The following EPHA7 variants were observed in gnomAD, a reference collection of about 807,000 sequenced individuals.
The protein encoded by EPHA7 is ephrin type-A receptor 7.
In EPHA7, 25 loss-of-function variants were observed where a neutral mutation model predicts 112.6. The ratio of observed to expected loss-of-function variants is 0.22; its 90% CI spans 0.16 to 0.31. The LOEUF (loss-of-function observed/expected upper bound fraction) is 0.31, where lower values mean the gene tolerates loss of function less well. Ranked by LOEUF, EPHA7 falls within the 10% of genes least tolerant of loss-of-function variation. The pLI is 1.00. For synonymous variants in EPHA7, 437 were observed against 406.5 expected (o/e 1.07, Z -0.90); for missense variants, 962 against 1,212.6 (o/e 0.79, Z 3.07).
chr6:93,378,495 G>A (rs1004546004), intron 3 of EPHA7, among the ~76,000 whole-genome samples: 3 of 152,052 alleles, frequency 2.0e-5, no homozygotes, highest in Non-Finnish European at 2.9e-5. Context: ...ACTGGACATC[G>A]AGAAAATCTT....
chr6:93,387,272 C>G (rs1777654317), intron 3 of EPHA7, among the ~76,000 whole-genome samples: 1 of 152,126 alleles, frequency 6.6e-6, no homozygotes, highest in South Asian at 2.1e-4. Flanking sequence ...TGCCAGCAGT[C>G]TCTTTGCTAC....
rs144788061 is a variant in EPHA7, at chr6:93,369,959, C to G, written c.833-11548G>C. Among the ~76,000 whole-genome samples the G allele has an allele frequency of 1.1e-3, 160 of 152,232 alleles. 1 individual carries two copies. Among genetic ancestry groups the G allele is most frequent in the African/African-American group, 3.7e-3 (153 of 41,566 alleles). On this transcript the variant is annotated intron_variant, in intron 3 of 16. Transcript: ENST00000369303. ...GTAGAGGGGAGTGCAGCCTTGGCTA[C>G]AGAAGTAAGGAGAGACACTTCACTG...
At chr6:93,283,646 CAGCG>C (rs1214373022) in intron 5 of EPHA7, among the ~76,000 whole-genome samples, 1 of 152,130 alleles carries the variant, frequency 6.6e-6, no homozygotes, top group East Asian at 1.9e-4. Flanking sequence ...CTCCCGAAGC[CAGCG>C]AGACCAGGAG....
At chr6:93,368,130 A>C (rs765398341) in intron 3 of EPHA7, among the ~76,000 whole-genome samples, 10 of 152,118 alleles carry the variant, frequency 6.6e-5, no homozygotes, top group Non-Finnish European at 1.2e-4. Context: ...CCTTTTGACC[A>C]CTGGCTTCAA....
intron 5 of EPHA7, among the ~76,000 whole-genome samples, chr6:93,331,305 GT>G (rs909544270): frequency 2.6e-5 from 4 of 151,296 alleles, no homozygotes; most frequent in Non-Finnish European, 4.4e-5. Flanking sequence ...ATAAAATCGT[GT>G]TTTTTAAGAT....
At chr6:93,280,841 A>C (rs539893634) in intron 5 of EPHA7, among the ~76,000 whole-genome samples, 2 of 152,136 alleles carry the variant, frequency 1.3e-5, no homozygotes, top group Non-Finnish European at 2.9e-5. Context: ...TTATTCTATT[A>C]TGACTTTGTT....
intron 5 of EPHA7, among the ~76,000 whole-genome samples, chr6:93,278,648 T>G (rs911764478): frequency 6.6e-6 from 1 of 152,070 alleles, no homozygotes; most frequent in African/African-American, 2.4e-5. Context: ...ATTAGATAGA[T>G]AGACAGATGG....
chr6:93,394,540 A>G (rs1324902413), intron 3 of EPHA7, among the ~76,000 whole-genome samples: 1 of 151,800 alleles, frequency 6.6e-6, no homozygotes, highest in East Asian at 1.9e-4. Flanking sequence ...AAACTATGTA[A>G]GATCTCATCT....
chr6:93,392,692 T>C (rs1011378356), intron 3 of EPHA7, among the ~76,000 whole-genome samples: 7 of 151,946 alleles, frequency 4.6e-5, no homozygotes, highest in African/African-American at 9.7e-5. Flanking sequence ...CACCAAAGAA[T>C]AGGTTGATTT....
chr6:93,288,594 C>A lies in EPHA7; in HGVS notation c.1325-16172G>T, dbSNP rs191324297. The stretch of plus-strand genomic sequence containing the variant: ...AAACTGTTTAAAATACTTAATTTTG[C>A]ATGACTTTTAGAATAAGAAACAAAA... On this transcript the variant is annotated intron_variant, in intron 5 of 16. Coordinates refer to ENST00000369303, the MANE Select transcript of EPHA7 (RefSeq NM_004440.4). 6.6e-5 allele frequency among the ~76,000 whole-genome samples: 10 copies of A among 152,292 alleles called. No homozygotes were observed. In the East Asian group the frequency reaches 1.7e-3, roughly 26 times the overall value.
chr6:93,391,881 TA>T (rs932160839), intron 3 of EPHA7, among the ~76,000 whole-genome samples: 37 of 148,534 alleles, frequency 2.5e-4, no homozygotes, highest in South Asian at 6.4e-4. Flanking sequence ...TTTATGAGAT[TA>T]AAAAAAAAAC....
At chr6:93,346,237 T>C (rs1480777545) in intron 5 of EPHA7, among the ~76,000 whole-genome samples, 3 of 151,830 alleles carry the variant, frequency 2.0e-5, no homozygotes, top group African/African-American at 4.8e-5. Flanking sequence ...ACATGAATAA[T>C]GTATGAAATT....
intron 5 of EPHA7, among the ~76,000 whole-genome samples, chr6:93,339,153 G>T (rs528775217): frequency 6.6e-6 from 1 of 151,642 alleles, no homozygotes; most frequent in East Asian, 1.9e-4. Context: ...TTTATTGGGA[G>T]ATAGTGTCTT....
At chr6:93,271,137 A>G (rs1771197852) in intron 6 of EPHA7, among the ~76,000 whole-genome samples, 1 of 151,790 alleles carries the variant, frequency 6.6e-6, no homozygotes, top group Non-Finnish European at 1.5e-5. Flanking sequence ...TCCCCTCTAA[A>G]ACACATTTGT....
Position 93,240,847 on chromosome 6 carries a change from TC to T in EPHA7, c.*2578del, listed in dbSNP as rs944504284. 3 of 209,382 alleles carry T rather than the reference TC, an allele frequency of 1.4e-5. No homozygotes were observed. The highest frequency in any genetic ancestry group is 7.2e-5 in the East Asian group (1 of 13,844). The allele number at this position is 209,382 out of a possible 1,614,324, so 13.0% of individuals were successfully genotyped here. On this transcript the variant is annotated 3_prime_UTR_variant, in exon 17 of 17. Coordinates refer to ENST00000369303, the MANE Select transcript of EPHA7 (RefSeq NM_004440.4). The stretch of plus-strand genomic sequence containing the variant: ...TTACAATCAGCATTACAATGTTAAT[TC>T]TTTTTCTCTTAATATTTGTTTCACA...
At chr6:93,332,032 T>G (rs919716021) in intron 5 of EPHA7, among the ~76,000 whole-genome samples, 9 of 151,664 alleles carry the variant, frequency 5.9e-5, no homozygotes, top group African/African-American at 2.2e-4. Flanking sequence ...GTTAGGTGCT[T>G]GACTTTTTTG....
Position 93,358,439 on chromosome 6 carries a change from G to T in EPHA7, c.833-28C>A, listed in dbSNP as rs780344940. The T allele has an allele frequency of 1.9e-6, 3 of 1,570,296 alleles. No individual in the cohort carries two copies. In the South Asian group the frequency reaches 3.6e-5, roughly 19 times the overall value. On this transcript the variant is annotated intron_variant, in intron 3 of 16. Coordinates refer to ENST00000369303, the MANE Select transcript of EPHA7 (RefSeq NM_004440.4). ...GGGAATGCAAAAGAAAGCAAAAATT[G>T]AGACATGAGAGCAAATCGATCTTTA...
At chr6:93,333,445 T>C (rs1183063834) in intron 5 of EPHA7, among the ~76,000 whole-genome samples, 2 of 151,954 alleles carry the variant, frequency 1.3e-5, no homozygotes, top group African/African-American at 2.4e-5. Context: ...TGTTTTAAGT[T>C]CTTTGTGAAA....
intron 5 of EPHA7, among the ~76,000 whole-genome samples, chr6:93,278,384 G>T (rs1304949235): frequency 6.6e-6 from 1 of 151,968 alleles, no homozygotes; most frequent in Non-Finnish European, 1.5e-5. Context: ...AACACAGTAG[G>T]TATAAATTAG....
Sources: allele counts gnomAD v4.1 joint callset (sites outside exome capture counted in the v4.1 genomes callset), GRCh38; gene constraint gnomAD v4.1.1; transcripts MANE v1.5; gene names NCBI Gene and HGNC (gene_info 2026-07-23, HGNC 2026-07-21).